Variants in RNF216 observed in about 807,000 individuals in gnomAD.
RNF216 encodes the protein E3 ubiquitin-protein ligase RNF216.
A neutral mutation model predicts 110.8 loss-of-function variants in RNF216; 72 were observed. The ratio of observed to expected loss-of-function variants is 0.65; its 90% CI spans 0.54 to 0.79. The LOEUF (loss-of-function observed/expected upper bound fraction) is 0.79. RNF216 is among the 30% of genes least tolerant of loss of function. The probability of loss-of-function intolerance (pLI) is 0.00; values close to 1 mark genes in which losing one functional copy is unlikely to be tolerated. For synonymous variants in RNF216, 495 were observed against 407.5 expected, an observed-to-expected ratio of 1.21 and a Z score of -2.59; for missense variants, 1,342 against 1,141.2, an observed-to-expected ratio of 1.18 and a Z score of -2.54.
chr7:5,767,378 G>A (rs1378982934), intron 1 of RNF216, among the ~76,000 whole-genome samples: 2 of 152,134 alleles, frequency 1.3e-5, no homozygotes, highest in East Asian at 3.9e-4. Flanking sequence ...GGAGTTGAAG[G>A]TCAGAGTTTG....
At chr7:5,714,029 G>C (rs573929737) in intron 11 of RNF216, among the ~76,000 whole-genome samples, 1 of 152,186 alleles carries the variant, frequency 6.6e-6, no homozygotes, top group Non-Finnish European at 1.5e-5. Context: ...CTGAGACAGA[G>C]TCTCGCCCTG....
chr7:5,759,161 C>A (rs529956919), intron 2 of RNF216, among the ~76,000 whole-genome samples: 48 of 152,126 alleles, frequency 3.2e-4, no homozygotes, highest in Non-Finnish European at 2.9e-5. Context: ...GTGAGACAAG[C>A]GTGCTTCCCC....
chr7:5,723,745 G>A (rs4720638), intron 8 of RNF216, among the ~76,000 whole-genome samples: 2 of 152,002 alleles, frequency 1.3e-5, no homozygotes, highest in Non-Finnish European at 2.9e-5. Flanking sequence ...AGGGAGAACC[G>A]TGTCTCACTC....
At chr7:5,772,752 T>C (rs118057926) in intron 1 of RNF216, among the ~76,000 whole-genome samples, 3,011 of 151,852 alleles carry the variant, frequency 0.02, 45 homozygotes, top group Non-Finnish European at 0.031. Flanking sequence ...ATTTCTAGCA[T>C]TGATAACTGA....
At chr7:5,692,053 C>A (rs905985171) in intron 13 of RNF216, among the ~76,000 whole-genome samples, 4 of 152,168 alleles carry the variant, frequency 2.6e-5, no homozygotes, top group African/African-American at 9.7e-5. Context: ...GTATAATTTC[C>A]GACATTCCTA....
chr7:5,668,823 G>A (rs1423254611), intron 13 of RNF216, among the ~76,000 whole-genome samples: 1 of 152,142 alleles, frequency 6.6e-6, no homozygotes, highest in African/African-American at 2.4e-5. Flanking sequence ...CAAGATTTGG[G>A]CGTTCTAGTC....
At chr7:5,726,213 T>C (rs1584519563) in intron 7 of RNF216, among the ~76,000 whole-genome samples, 1 of 151,742 alleles carries the variant, frequency 6.6e-6, no homozygotes, top group Non-Finnish European at 1.5e-5. Flanking sequence ...AGAGGCAGGG[T>C]TGCAGTGAGC....
chr7:5,708,314 G>T (rs952745431), intron 13 of RNF216, among the ~76,000 whole-genome samples: 8 of 152,170 alleles, frequency 5.3e-5, no homozygotes, highest in African/African-American at 1.9e-4. Context: ...TGCTAACAAT[G>T]ATTGAAAGTG....
chr7:5,663,586 GAAAAA>G (rs35905773), intron 13 of RNF216, among the ~76,000 whole-genome samples: 5 of 80,108 alleles, frequency 6.2e-5, no homozygotes, highest in African/African-American at 2.7e-4. Context: ...TCCACCTCAG[GAAAAA>G]AAAAAAAAAA....
chr7:5,633,210 C>A (rs1356352720), intron 15 of RNF216, among the ~76,000 whole-genome samples: 2 of 151,948 alleles, frequency 1.3e-5, no homozygotes, highest in African/African-American at 2.4e-5. Flanking sequence ...AACTCCTGAC[C>A]TTGTGATCCA....
At chr7:5,668,357 G>C (rs754499982) in intron 13 of RNF216, among the ~76,000 whole-genome samples, 1 of 151,758 alleles carries the variant, frequency 6.6e-6, no homozygotes, top group African/African-American at 2.4e-5. Flanking sequence ...CCGAGTAGTT[G>C]GGACTATAGG....
intron 5 of RNF216, among the ~76,000 whole-genome samples, chr7:5,736,499 G>A (rs1794408432): frequency 6.6e-6 from 1 of 152,174 alleles, no homozygotes; most frequent in South Asian, 2.1e-4. Context: ...GCCTGCCTTG[G>A]CCTCCCAAAG....
intron 14 of RNF216, among the ~76,000 whole-genome samples, chr7:5,651,741 C>T (rs1170480649): frequency 2.6e-5 from 4 of 152,096 alleles, no homozygotes; most frequent in Non-Finnish European, 4.4e-5. Flanking sequence ...CTCCGCCTCC[C>T]GGGTTCAACT....
chr7:5,767,551 G>C (rs1175298884), intron 1 of RNF216, among the ~76,000 whole-genome samples: 2 of 151,696 alleles, frequency 1.3e-5, no homozygotes, highest in Admixed American at 1.3e-4. Context: ...CAACAGCAGA[G>C]AAGCTAAAGA....
intron 9 of RNF216, among the ~76,000 whole-genome samples, chr7:5,717,942 A>T (rs1793167354): frequency 6.6e-6 from 1 of 152,096 alleles, no homozygotes; most frequent in South Asian, 2.1e-4. Context: ...GCTAGTACAC[A>T]TGGTGGCACA....
At position 5,739,258 on chromosome 7, in the gene RNF216, G is replaced by T; in HGVS notation, c.1121+18C>A. The stretch of plus-strand genomic sequence containing the variant: ...CACCACCACCACCACCACAAAAAAA[G>T]CATGGTAGTATACTTACACATTCAG... On this transcript the variant is annotated intron_variant, in intron 5 of 16. Coordinates refer to ENST00000389902, the MANE Select transcript of RNF216 (RefSeq NM_207111.4). 1 of 1,526,112 alleles carries T rather than the reference G, an allele frequency of 6.6e-7. No individual in the cohort carries two copies. Among genetic ancestry groups the T allele is most frequent in the Non-Finnish European group, 8.8e-7 (1 of 1,141,194 alleles). The allele number at this position is 1,526,112 out of a possible 1,614,324, so 94.5% of individuals were successfully genotyped here.
chr7:5,720,927 G>C (rs1793378855), intron 9 of RNF216, 106 bp downstream of exon 9: 6 of 1,120,624 alleles, frequency 5.4e-6, no homozygotes, highest in Non-Finnish European at 7.6e-6. Context: ...AAATTTAACA[G>C]TCTGAAGAAA....
At chr7:5,743,175 T>C (rs530334683) in intron 3 of RNF216, among the ~76,000 whole-genome samples, 37 of 152,152 alleles carry the variant, frequency 2.4e-4, no homozygotes, top group Non-Finnish European at 4.9e-4. Flanking sequence ...GGAGCAGAAT[T>C]GCTTGAACCA....
chr7:5,760,927 C>A, intron 2 of RNF216, 76 bp downstream of exon 2: 3 of 1,153,006 alleles, frequency 2.6e-6, no homozygotes, highest in Non-Finnish European at 3.8e-6. Context: ...AAAATAGGTT[C>A]ATTTCAAAAG....
Sources: allele counts gnomAD v4.1 joint callset (sites outside exome capture counted in the v4.1 genomes callset), GRCh38; gene constraint gnomAD v4.1.1; transcripts MANE v1.5; gene names NCBI Gene and HGNC (gene_info 2026-07-23, HGNC 2026-07-21).